B3GALT1: variants seen among roughly 807,000 people sequenced by gnomAD.
The protein encoded by B3GALT1 is beta-1,3-galactosyltransferase 1, also known as UDP-Gal:betaGlcNAc beta 1,3-galactosyltransferase, polypeptide 1.
A neutral mutation model predicts 23.2 loss-of-function variants in B3GALT1; 10 were observed. That is an observed-to-expected ratio of 0.43 (90% CI 0.27 to 0.73). B3GALT1 has a LOEUF of 0.73. Among genes scored for constraint, B3GALT1 ranks in the 30% least tolerant of loss-of-function variants. The probability of loss-of-function intolerance (pLI) is 0.21; values close to 1 mark genes in which losing one functional copy is unlikely to be tolerated. For missense variants in B3GALT1, 299 were observed against 405.4 expected, an observed-to-expected ratio of 0.74 and a Z score of 2.25; for synonymous variants, 156 against 141.5, an observed-to-expected ratio of 1.10 and a Z score of -0.73.
chr2:167,672,978 G>A (rs552814444), intron 3 of B3GALT1, among the ~76,000 whole-genome samples: 49 of 151,292 alleles, frequency 3.2e-4, no homozygotes, highest in Admixed American at 1.9e-3. Context: ...GAGAGAGAGA[G>A]ACTGTGTGTG....
At chr2:167,418,473 A>G (rs1182740837) in intron 1 of B3GALT1, among the ~76,000 whole-genome samples, 2 of 152,092 alleles carry the variant, frequency 1.3e-5, no homozygotes, top group Admixed American at 6.6e-5. Context: ...CCAGAAGGGA[A>G]GCCAGTTGCA....
intron 2 of B3GALT1, among the ~76,000 whole-genome samples, chr2:167,543,354 C>T (rs1382065921): frequency 6.6e-6 from 1 of 152,054 alleles, no homozygotes; most frequent in Non-Finnish European, 1.5e-5. Context: ...AACTTTTTGA[C>T]ATTTTTTGAG....
chr2:167,425,335 T>C (rs1257474157), intron 1 of B3GALT1, among the ~76,000 whole-genome samples: 1 of 152,242 alleles, frequency 6.6e-6, no homozygotes, highest in South Asian at 2.1e-4. Context: ...TTTTGTCATA[T>C]TTGTATTGAA....
Position 167,317,526 on chromosome 2 carries a change from C to A in B3GALT1, c.-511+24192C>A, listed in dbSNP as rs181801317. Among the ~76,000 whole-genome samples the A allele has an allele frequency of 3.2e-4, 49 of 152,200 alleles. No individual in the cohort carries two copies. The East Asian group carries it at 8.5e-3, about 26-fold the overall frequency. On this transcript the variant is annotated intron_variant, in intron 1 of 4. Coordinates refer to ENST00000392690, the MANE Select transcript of B3GALT1 (RefSeq NM_020981.4). ...GCTTCTTACAGCCATCATAAAGAAG[C>A]CTAGTCACTTATCTGATTTCCAAAA...
At position 167,873,779 on chromosome 2, in the gene B3GALT1, T is replaced by G. The variant is rs1461774050; in HGVS notation, c.*3759T>G. ...AAAGTAATTGTCTGTAAAAGTGCACTCTCCAGGTTTGTAGTACTATTTAGG... is the reference window on the plus strand; with the variant it reads ...AAAGTAATTGTCTGTAAAAGTGCACGCTCCAGGTTTGTAGTACTATTTAGG... On this transcript the variant is annotated 3_prime_UTR_variant, in exon 5 of 5. Transcript: ENST00000392690. The G allele has an allele frequency of 2.0e-5, 3 of 152,222 alleles. No individual in the cohort carries two copies. The highest frequency in any genetic ancestry group is 4.8e-5 in the African/African-American group (2 of 41,448). The allele number at this position is 152,222 out of a possible 1,614,324, so 9.4% of individuals were successfully genotyped here. A position where few individuals can be genotyped will look rare whatever the true frequency, so the allele number is the denominator to read the frequency against.
chr2:167,463,123 ATTTAT>A (rs1186313814), intron 1 of B3GALT1, among the ~76,000 whole-genome samples: 20 of 151,788 alleles, frequency 1.3e-4, no homozygotes, highest in Non-Finnish European at 5.9e-5. Context: ...TGTCCTGGTT[ATTTAT>A]TTTGTCTGTT....
At chr2:167,610,420 A>G (rs1284660686) in intron 2 of B3GALT1, among the ~76,000 whole-genome samples, 1 of 151,994 alleles carries the variant, frequency 6.6e-6, no homozygotes, top group Admixed American at 6.6e-5. Flanking sequence ...ATTTTTGTTT[A>G]TAGGGGAGAT....
At chr2:167,340,737 G>A (rs1381162273) in intron 1 of B3GALT1, among the ~76,000 whole-genome samples, 1 of 152,158 alleles carries the variant, frequency 6.6e-6, no homozygotes, top group Non-Finnish European at 1.5e-5. Context: ...TCTAGACAAA[G>A]TGATCATCAT....
chr2:167,600,588 T>C (rs969050787), intron 2 of B3GALT1, among the ~76,000 whole-genome samples: 2 of 152,198 alleles, frequency 1.3e-5, no homozygotes, highest in African/African-American at 4.8e-5. Flanking sequence ...CTGTTTTCTA[T>C]GTGTAGATTT....
chr2:167,431,368 G>A (rs1374680767), intron 1 of B3GALT1, among the ~76,000 whole-genome samples: 1 of 152,118 alleles, frequency 6.6e-6, no homozygotes, highest in Non-Finnish European at 1.5e-5. Flanking sequence ...ATGGAGCCAT[G>A]GGAGTTTTAA....
chr2:167,533,885 C>T (rs531886507), intron 2 of B3GALT1, among the ~76,000 whole-genome samples: 1 of 152,230 alleles, frequency 6.6e-6, no homozygotes, highest in East Asian at 1.9e-4. Context: ...AAATGTCATT[C>T]TTTGAATTGT....
intron 2 of B3GALT1, among the ~76,000 whole-genome samples, chr2:167,560,873 C>T (rs752342919): frequency 2.0e-5 from 3 of 152,076 alleles, no homozygotes; most frequent in Non-Finnish European, 2.9e-5. Context: ...TTTAACACCC[C>T]ACTGTCAACA....
chr2:167,602,064 A>G (rs1349797158), intron 2 of B3GALT1, among the ~76,000 whole-genome samples: 4 of 152,202 alleles, frequency 2.6e-5, no homozygotes, highest in Non-Finnish European at 4.4e-5. Context: ...TTCAGGACCC[A>G]TAGGTGCTCT....
chr2:167,353,955 A>G lies in B3GALT1; in HGVS notation c.-511+60621A>G, dbSNP rs569265299. 2.5e-3 allele frequency among the ~76,000 whole-genome samples: 380 copies of G among 152,180 alleles called. 1 individual carries two copies. The highest frequency in any genetic ancestry group is 4.3e-3 in the Non-Finnish European group (293 of 68,026). On this transcript the variant is annotated intron_variant, in intron 1 of 4. Coordinates refer to ENST00000392690, the MANE Select transcript of B3GALT1 (RefSeq NM_020981.4). ...TTATTTATGATCATTGTGAAATCTT[A>G]AGGAGCTAAATTCATAAATGTACAA...
chr2:167,869,178 A>C lies in B3GALT1; in HGVS notation c.139A>C (p.Asn47His). The C allele has an allele frequency of 6.2e-7, 1 of 1,614,132 alleles. No homozygotes were observed. The highest frequency in any genetic ancestry group is 1.3e-5 in the African/African-American group (1 of 75,000). ...CAGCCACCTAACAGTTGCCAGGAAA[A>C]ACTTCACCTTTGGCAACATAAGAAC... is the stretch of plus-strand genomic sequence containing the variant. ...PFSHLTVARK[N>H]FTFGNIRTRP... Residue 47 changes from asparagine to histidine, a missense_variant, in exon 5 of 5, where the codon AAC becomes CAC. Coordinates refer to ENST00000392690, the MANE Select transcript of B3GALT1 (RefSeq NM_020981.4). The surrounding 1 kb of genome is among the most constrained non-coding windows in gnomAD (Gnocchi z 6.4).
intron 4 of B3GALT1, among the ~76,000 whole-genome samples, chr2:167,836,625 T>A (rs1214508157): frequency 6.6e-6 from 1 of 152,112 alleles, no homozygotes; most frequent in Non-Finnish European, 1.5e-5. Context: ...CCAGGAGAAC[T>A]TCCCCAATCT....
intron 1 of B3GALT1, among the ~76,000 whole-genome samples, chr2:167,320,365 T>C (rs1696791097): frequency 6.6e-6 from 1 of 151,818 alleles, no homozygotes; most frequent in Admixed American, 6.6e-5. Flanking sequence ...AATTTTTATA[T>C]ATTTTGGTAG....
chr2:167,573,574 T>G (rs1252869153), intron 2 of B3GALT1, among the ~76,000 whole-genome samples: 1 of 151,764 alleles, frequency 6.6e-6, no homozygotes, highest in Non-Finnish European at 1.5e-5. Context: ...TAATAGTTTA[T>G]GAGTTTATAA....
At chr2:167,381,157 T>G (rs1318916836) in intron 1 of B3GALT1, among the ~76,000 whole-genome samples, 1 of 152,108 alleles carries the variant, frequency 6.6e-6, no homozygotes, top group Non-Finnish European at 1.5e-5. Flanking sequence ...AGCCTCAACC[T>G]CCCAGGCTCA....
Sources: gnomAD v4.1 joint callset for allele counts (sites outside exome capture counted in the v4.1 genomes callset) on GRCh38, gnomAD v4.1.1 for gene constraint, Gnocchi (gnomAD v3.1) non-coding constraint, MANE v1.5 for transcripts, NCBI Gene and HGNC (gene_info 2026-07-23, HGNC 2026-07-21) for gene names.